FAF1: variants seen among roughly 807,000 people sequenced by gnomAD.
The protein encoded by FAF1 is Fas associated factor 1.
In FAF1, 25 loss-of-function variants were observed where a neutral mutation model predicts 92.5. The observed-to-expected ratio is 0.27, with a 90% CI of 0.20 to 0.38. The LOEUF is 0.38. FAF1 is among the 10% of genes least tolerant of loss of function. The pLI, the probability that FAF1 is intolerant of heterozygous loss-of-function variation, is 1.00. For missense variants in FAF1, 636 were observed against 793.3 expected, an observed-to-expected ratio of 0.80 and a Z score of 2.38; for synonymous variants, 234 against 273.2, an observed-to-expected ratio of 0.86 and a Z score of 1.42.
chr1:50,772,225 G>C (rs573894938), intron 4 of FAF1, among the ~76,000 whole-genome samples: 2 of 152,226 alleles, frequency 1.3e-5, no homozygotes, highest in African/African-American at 4.8e-5. Flanking sequence ...GCTAAGAAAA[G>C]GGAATGCTTA....
At chr1:50,566,047 G>A (rs1298439948) in intron 13 of FAF1, among the ~76,000 whole-genome samples, 2 of 152,036 alleles carry the variant, frequency 1.3e-5, no homozygotes, top group Admixed American at 6.6e-5. Flanking sequence ...ATGTATAACA[G>A]GGAATATTTC....
chr1:50,575,143 C>T (rs960001173), intron 12 of FAF1, among the ~76,000 whole-genome samples: 2 of 152,058 alleles, frequency 1.3e-5, no homozygotes, highest in Admixed American at 6.5e-5. Flanking sequence ...CTCTTGACCT[C>T]GTGATCCACC....
At chr1:50,660,682 C>T (rs1655334063) in intron 7 of FAF1, among the ~76,000 whole-genome samples, 2 of 151,920 alleles carry the variant, frequency 1.3e-5, no homozygotes, top group African/African-American at 4.8e-5. Context: ...TTAGTAGAGA[C>T]GGGGTTTCAC....
chr1:50,889,482 G>T (rs904932147), intron 1 of FAF1, among the ~76,000 whole-genome samples: 126 of 152,230 alleles, frequency 8.3e-4, no homozygotes, highest in African/African-American at 3.0e-3. Flanking sequence ...GATCTTTCCT[G>T]CTTTCTCTTG....
intron 1 of FAF1, among the ~76,000 whole-genome samples, chr1:50,883,006 G>A (rs1644626898): frequency 6.7e-6 from 1 of 149,866 alleles, no homozygotes; most frequent in South Asian, 2.1e-4. Flanking sequence ...AAAAAAACTA[G>A]GTTAATGCAT....
At chr1:50,808,169 T>C (rs1569981208) in intron 2 of FAF1, among the ~76,000 whole-genome samples, 1 of 152,202 alleles carries the variant, frequency 6.6e-6, no homozygotes, top group East Asian at 1.9e-4. Flanking sequence ...ATAAGCTTCA[T>C]AAGAAAAGGA....
chr1:50,846,203 C>G lies in FAF1; in HGVS notation c.114+11726G>C, dbSNP rs575283419. ...TCTATTTGCCTTTGTCTATACTATGCTACATACGATGTACAGCTTTCAATA... is the reference window on the plus strand; with the variant it reads ...TCTATTTGCCTTTGTCTATACTATGGTACATACGATGTACAGCTTTCAATA... On this transcript the variant is annotated intron_variant, in intron 2 of 18. Transcript: ENST00000396153. 2.0e-5 allele frequency among the ~76,000 whole-genome samples: 3 copies of G among 151,702 alleles called. No homozygotes were observed. The East Asian group carries it at 5.8e-4, about 29-fold the overall frequency.
intron 15 of FAF1, among the ~76,000 whole-genome samples, chr1:50,514,299 T>C (rs1371381814): frequency 6.6e-6 from 1 of 152,224 alleles, no homozygotes; most frequent in Non-Finnish European, 1.5e-5. Context: ...TTAGCAGATT[T>C]TTAAAAAATG....
chr1:50,567,304 T>C, intron 12 of FAF1, 73 bp from the exon 13 acceptor site: 1 of 1,153,350 alleles, frequency 8.7e-7, no homozygotes, highest in East Asian at 2.4e-5. Context: ...TAGAGAGGCA[T>C]AATTAGTCTA....
chr1:50,527,983 A>G (rs1647927183), intron 15 of FAF1, among the ~76,000 whole-genome samples: 1 of 151,638 alleles, frequency 6.6e-6, no homozygotes, highest in South Asian at 2.1e-4. Flanking sequence ...CAATTCTCCC[A>G]GTTTAGCCTC....
In FAF1 at chr1:50,452,077, C is replaced by T. The variant is rs538908771; in HGVS notation, c.1870-10554G>A. 43 of 1,334,028 alleles carry T rather than the reference C, an allele frequency of 3.2e-5. 1 individual carries two copies. Among genetic ancestry groups the T allele is most frequent in the Middle Eastern group, 4.3e-4 (2 of 4,664 alleles). 82.6% of individuals were successfully genotyped at this position (1,334,028 alleles called of 1,614,324 possible). A position where few individuals can be genotyped will look rare whatever the true frequency, so the allele number is the denominator to read the frequency against. The stretch of plus-strand genomic sequence containing the variant: ...AAGAATGGAATGGGGAGGAAAAAAC[C>T]GTCTTAGTCTAAAAACAGGAGATGA... On this transcript the variant is annotated intron_variant, in intron 18 of 18. Transcript: ENST00000396153.
chr1:50,925,602 G>T (rs1645000159), intron 1 of FAF1, among the ~76,000 whole-genome samples: 1 of 152,140 alleles, frequency 6.6e-6, no homozygotes, highest in South Asian at 2.1e-4. Flanking sequence ...AATTACAAAT[G>T]CTGGCAAGGA....
At chr1:50,704,632 T>C (rs535742275) in intron 7 of FAF1, among the ~76,000 whole-genome samples, 24 of 152,288 alleles carry the variant, frequency 1.6e-4, no homozygotes, top group Admixed American at 1.5e-3. Context: ...ATACTCATTA[T>C]GGAGGTTGAA....
chr1:50,553,570 C>T (rs962175560), intron 13 of FAF1, among the ~76,000 whole-genome samples: 1 of 152,102 alleles, frequency 6.6e-6, no homozygotes, highest in African/African-American at 2.4e-5. Flanking sequence ...TCAACAGAAG[C>T]CCACAATAAA....
At chr1:50,786,644 G>A (rs1207591034) in intron 4 of FAF1, among the ~76,000 whole-genome samples, 1 of 152,168 alleles carries the variant, frequency 6.6e-6, no homozygotes, top group African/African-American at 2.4e-5. Flanking sequence ...ATGCAAATGG[G>A]TACAGGGTGA....
chr1:50,622,702 G>C (rs1282128440), intron 8 of FAF1, among the ~76,000 whole-genome samples: 1 of 152,064 alleles, frequency 6.6e-6, no homozygotes, highest in Non-Finnish European at 1.5e-5. Flanking sequence ...GGGGTGGGGA[G>C]GATGGTAAAG....
chr1:50,930,733 G>A (rs1645040800), intron 1 of FAF1, among the ~76,000 whole-genome samples: 2 of 152,112 alleles, frequency 1.3e-5, no homozygotes, highest in South Asian at 4.1e-4. Context: ...TACTCGGGAG[G>A]TGGAGCTTGC....
chr1:50,893,979 C>T (rs1644739133), intron 1 of FAF1, among the ~76,000 whole-genome samples: 1 of 152,152 alleles, frequency 6.6e-6, no homozygotes, highest in Admixed American at 6.5e-5. Flanking sequence ...ACCACCACCA[C>T]AGACCCATAG....
chr1:50,457,183 A>G, intron 18 of FAF1, among the ~76,000 whole-genome samples: 1 of 151,964 alleles, frequency 6.6e-6, no homozygotes, highest in Non-Finnish European at 1.5e-5. Flanking sequence ...TAGCAAAAGA[A>G]TCTTCAGGTT....
Sources: gnomAD v4.1 joint callset for allele counts (sites outside exome capture counted in the v4.1 genomes callset) on GRCh38, gnomAD v4.1.1 for gene constraint, MANE v1.5 for transcripts, NCBI Gene and HGNC (gene_info 2026-07-23, HGNC 2026-07-21) for gene names.